GATA3: variants seen among roughly 807,000 people sequenced by gnomAD.
The protein encoded by GATA3 is GATA binding protein 3, also known as trans-acting T-cell-specific transcription factor GATA-3.
Under a neutral mutation model 36.0 loss-of-function variants are expected in GATA3, and 6 were observed. The ratio of observed to expected loss-of-function variants is 0.17; its 90% CI spans 0.09 to 0.33. GATA3 has a LOEUF of 0.33. Among genes scored for constraint, GATA3 ranks in the 10% least tolerant of loss-of-function variants. The pLI is 1.00. For missense variants in GATA3, 514 were observed against 610.1 expected (o/e 0.84, Z 1.66); for synonymous variants, 326 against 273.0 (o/e 1.19, Z -1.92).
chr10:8,045,534 C>G (rs1435688541), intron 1 of GATA3: 1 of 152,332 alleles, frequency 6.6e-6, no homozygotes, highest in Non-Finnish European at 1.5e-5. Flanking sequence ...ATATCACTCT[C>G]TTCCCTCTCT....
upstream of GATA3, among the ~76,000 whole-genome samples, chr10:8,048,899 G>A (rs1832425597): frequency 2.0e-5 from 3 of 151,938 alleles, no homozygotes; most frequent in African/African-American, 7.3e-5. Flanking sequence ...AAAGGTGGTA[G>A]TGGCGGTGGG....
At chr10:8,070,893 T>C (rs1053530101) in intron 5 of GATA3, among the ~76,000 whole-genome samples, 2 of 152,172 alleles carry the variant, frequency 1.3e-5, no homozygotes, top group Non-Finnish European at 2.9e-5. Flanking sequence ...TCTATATACA[T>C]TTATCAGCAA....
intron 4 of GATA3, 142 bp downstream of exon 4, chr10:8,064,280 T>TC (rs1832796787): frequency 1.2e-6 from 1 of 809,892 alleles, no homozygotes; most frequent in Admixed American, 3.4e-5. Flanking sequence ...TTTTTTTTTT[T>TC]TCCTTTTTCT....
At chr10:8,047,515 G>C (rs1321512515) in intron 1 of GATA3, among the ~76,000 whole-genome samples, 1 of 152,108 alleles carries the variant, frequency 6.6e-6, no homozygotes, top group Non-Finnish European at 1.5e-5. Context: ...TTTACTTAAC[G>C]GTTGGAATAA....
At chr10:8,059,093 A>G (rs1452253604) in intron 3 of GATA3, among the ~76,000 whole-genome samples, 2 of 152,180 alleles carry the variant, frequency 1.3e-5, no homozygotes, top group African/African-American at 4.8e-5. Flanking sequence ...GAAAAAAGAC[A>G]AACAAAAACA....
At chr10:8,071,860 G>T (rs1471621332) in intron 5 of GATA3, among the ~76,000 whole-genome samples, 1 of 152,106 alleles carries the variant, frequency 6.6e-6, no homozygotes. Flanking sequence ...TCTCAGTGGT[G>T]TTGTGACTGG....
At chr10:8,052,457 G>C (rs1832520699), upstream of GATA3, 1 of 152,168 alleles carries the variant, frequency 6.6e-6, no homozygotes, top group Non-Finnish European at 1.5e-5. Context: ...GCATTTTCAA[G>C]ACCTGGCATC....
Position 8,058,624 on chromosome 10 carries a change from G to A in GATA3, c.561G>A (p.Gln187=), listed in dbSNP as rs191214710. 2.4e-5 allele frequency: 39 copies of A among 1,612,574 alleles called. 1 individual carries two copies. In the Admixed American group the frequency reaches 5.7e-4, roughly 23 times the overall value. The change falls in exon 3 of 6, where the codon CAG becomes CAA. Residue 187 remains glutamine (Q), a synonymous_variant. Transcript: ENST00000379328. ...ACGAGAAAGAGTGCCTCAAGTACCA[G>A]GTGCCCCTGCCCGACAGCATGAAGC... is the stretch of plus-strand genomic sequence containing the variant. The part of the protein sequence containing the change: ...RQDEKECLKY[Q]VPLPDSMKLE...
rs1554794094 is a variant in GATA3, at chr10:8,054,742, G to GT, written c.-518dup. On this transcript the variant is annotated 5_prime_UTR_variant, in exon 1 of 6. The change abolishes the stop of an existing upstream ORF in the 5' untranslated region. Coordinates refer to ENST00000379328, the MANE Select transcript of GATA3 (RefSeq NM_001002295.2). The surrounding 1 kb of genome is among the most constrained non-coding windows in gnomAD (Gnocchi z 4.2). ...TACTTTCAGAAAGAATGCATTCCCT[G>GT]TAAAAAAAAAAAAAAAATACTGAGA... The GT allele has an allele frequency of 1.1e-5, 1 of 92,870 alleles. No individual in the cohort carries two copies. The highest frequency in any genetic ancestry group is 5.1e-5 in the African/African-American group (1 of 19,722). 5.8% of individuals were successfully genotyped at this position (92,870 alleles called of 1,614,324 possible).
At chr10:8,067,686 C>T (rs999695523) in intron 4 of GATA3, among the ~76,000 whole-genome samples, 8 of 141,582 alleles carry the variant, frequency 5.7e-5, no homozygotes, top group African/African-American at 1.7e-4. Flanking sequence ...GGGGCGGTGG[C>T]GGGCGCCTGT....
intron 3 of GATA3, among the ~76,000 whole-genome samples, chr10:8,059,842 T>C (rs996067895): frequency 1.3e-5 from 2 of 152,232 alleles, no homozygotes; most frequent in Non-Finnish European, 1.5e-5. Context: ...TTTAACTGTA[T>C]TATTAGACAG....
intron 5 of GATA3, 94 bp downstream of exon 5, chr10:8,069,692 C>A (rs2131512880): frequency 1.4e-6 from 2 of 1,421,982 alleles, no homozygotes; most frequent in African/African-American, 1.4e-5. Flanking sequence ...AATCGCTCAC[C>A]ATGGGGGCAG....
intron 2 of GATA3, among the ~76,000 whole-genome samples, chr10:8,057,043 C>G (rs1440711992): frequency 6.6e-6 from 1 of 152,192 alleles, no homozygotes. Context: ...ACAATCGTTT[C>G]TGCGGATGGG....
intron 1 of GATA3, among the ~76,000 whole-genome samples, chr10:8,045,767 T>C (rs896059219): frequency 1.3e-5 from 2 of 152,032 alleles, no homozygotes; most frequent in Non-Finnish European, 2.9e-5. Context: ...AGTAGGGATG[T>C]GAAGAAAAAC....
At chr10:8,047,294 G>A (rs1832403489) in intron 1 of GATA3, among the ~76,000 whole-genome samples, 1 of 152,202 alleles carries the variant, frequency 6.6e-6, no homozygotes. Flanking sequence ...TGGAACCATA[G>A]GAGGTGGCAG....
intron 3 of GATA3, among the ~76,000 whole-genome samples, chr10:8,063,776 G>A (rs750117158): frequency 1.3e-5 from 2 of 152,250 alleles, no homozygotes; most frequent in East Asian, 3.9e-4. Context: ...TTCTGCGGGC[G>A]CCTCCGTGTG....
At chr10:8,063,934 T>C (rs1424287267) in intron 3 of GATA3, 59 bp from the exon 4 acceptor site, 1 of 1,612,902 alleles carries the variant, frequency 6.2e-7, no homozygotes, top group Non-Finnish European at 8.5e-7. Flanking sequence ...TTCCAAATGC[T>C]GTCAGCTTTC....
In GATA3 at chr10:8,055,287, G is replaced by GT; in HGVS notation, c.-368dup. On this transcript the variant is annotated splice_region_variant and 5_prime_UTR_variant, in exon 2 of 6. Transcript: ENST00000379328. This position sits in a 1 kb window ranked among gnomAD's most constrained non-coding sequence, Gnocchi z 5.4. Reference sequence around the variant, plus strand: ...AGGTCTCCCATTCTCTCCCTTGCAGGTGACCCGAGGAGGGACTCCGCCTCC... The same window carrying GT: ...AGGTCTCCCATTCTCTCCCTTGCAGGTTGACCCGAGGAGGGACTCCGCCTCC... The GT allele has an allele frequency of 2.4e-6, 1 of 411,280 alleles. No homozygotes were observed. Among genetic ancestry groups the GT allele is most frequent in the Middle Eastern group, 6.8e-4 (1 of 1,464 alleles). 25.5% of individuals were successfully genotyped at this position (411,280 alleles called of 1,614,324 possible).
chr10:8,059,423 C>T (rs937084887), intron 3 of GATA3, among the ~76,000 whole-genome samples: 32 of 152,200 alleles, frequency 2.1e-4, no homozygotes, highest in African/African-American at 7.0e-4. Flanking sequence ...GGGCTCTCAG[C>T]TGAACTGGGA....
Sources: gnomAD v4.1 joint callset for allele counts (sites outside exome capture counted in the v4.1 genomes callset) on GRCh38, gnomAD v4.1.1 for gene constraint, Gnocchi (gnomAD v3.1) non-coding constraint, MANE v1.5 for transcripts, NCBI Gene and HGNC (gene_info 2026-07-23, HGNC 2026-07-21) for gene names.